NRXN1: variants seen among roughly 807,000 people sequenced by gnomAD.
NRXN1 encodes neurexin-1.
A neutral mutation model predicts 150.9 loss-of-function variants in NRXN1; 39 were observed. The observed-to-expected ratio is 0.26, with a 90% confidence interval of 0.20 to 0.34. NRXN1 has a LOEUF of 0.34. NRXN1 is among the 10% of genes least tolerant of loss of function. The pLI is 1.00. For missense variants in NRXN1, 1,815 were observed against 1,949.9 expected (o/e 0.93, Z 1.30); for synonymous variants, 924 against 757.0 (o/e 1.22, Z -3.62).
intron 19 of NRXN1, among the ~76,000 whole-genome samples, chr2:50,073,148 C>T (rs1249198390): frequency 1.3e-5 from 2 of 152,144 alleles, no homozygotes; most frequent in South Asian, 2.1e-4. Context: ...GTAAGCAATG[C>T]CTGGACTGTC....
At chr2:50,083,384 GCT>G (rs967025831) in intron 19 of NRXN1, among the ~76,000 whole-genome samples, 4 of 152,134 alleles carry the variant, frequency 2.6e-5, no homozygotes, top group Admixed American at 2.6e-4. Flanking sequence ...AGAGAATCTT[GCT>G]CTCTCTTTTA....
At chr2:50,435,523 T>C (rs1398946898) in intron 17 of NRXN1, among the ~76,000 whole-genome samples, 1 of 152,198 alleles carries the variant, frequency 6.6e-6, no homozygotes, top group African/African-American at 2.4e-5. Context: ...ATGTACCACA[T>C]TTTCTTTATC....
intron 8 of NRXN1, among the ~76,000 whole-genome samples, chr2:50,553,741 C>T (rs1490613580): frequency 6.6e-6 from 1 of 152,204 alleles, no homozygotes; most frequent in Non-Finnish European, 1.5e-5. Flanking sequence ...TTTTAATTTA[C>T]ACAAATGCTG....
intron 5 of NRXN1, chr2:50,696,387 GAAGT>G (rs1483735141): frequency 6.6e-6 from 1 of 152,594 alleles, no homozygotes; most frequent in Non-Finnish European, 1.5e-5. Context: ...AACAGTCTCA[GAAGT>G]AAGTAATATT....
At chr2:50,223,376 T>C (rs941849248) in intron 18 of NRXN1, among the ~76,000 whole-genome samples, 1 of 151,972 alleles carries the variant, frequency 6.6e-6, no homozygotes, top group African/African-American at 2.4e-5. Context: ...CCCTTCTCAA[T>C]AACCAGTTAC....
At chr2:50,433,446 T>C (rs1169276702) in intron 17 of NRXN1, among the ~76,000 whole-genome samples, 1 of 152,208 alleles carries the variant, frequency 6.6e-6, no homozygotes, top group Non-Finnish European at 1.5e-5. Context: ...CATAAAATAC[T>C]ATTTGGTACT....
Position 50,771,666 on chromosome 2 carries a change from G to A in NRXN1, c.833-148051C>T, listed in dbSNP as rs1277734533. 2.0e-5 allele frequency among the ~76,000 whole-genome samples: 3 copies of A among 152,196 alleles called. No individual in the cohort carries two copies. In the East Asian group the frequency reaches 5.8e-4, roughly 30 times the overall value. ...GCGGGTAAGAATACCAGTTTTGGCT[G>A]GAATCTTGGAAGTCTGAGGCATTTT... On this transcript the variant is annotated intron_variant, in intron 5 of 22. Transcript: ENST00000401669.
chr2:50,316,418 A>T (rs1427023652), intron 17 of NRXN1, among the ~76,000 whole-genome samples: 4 of 152,112 alleles, frequency 2.6e-5, no homozygotes, highest in African/African-American at 9.7e-5. Context: ...ACATCAAACA[A>T]CAATGAAAAT....
chr2:50,369,142 A>G (rs559942891), intron 17 of NRXN1, among the ~76,000 whole-genome samples: 1 of 152,106 alleles, frequency 6.6e-6, no homozygotes, highest in Non-Finnish European at 1.5e-5. Context: ...ACTTATGGCT[A>G]TAATCCTATA....
At chr2:50,518,768 T>C (rs1268998243) in intron 12 of NRXN1, among the ~76,000 whole-genome samples, 2 of 151,866 alleles carry the variant, frequency 1.3e-5, no homozygotes, top group Non-Finnish European at 2.9e-5. Context: ...TCAATGAATT[T>C]ACCTTTTACT....
chr2:50,188,369 A>C (rs1398344076), intron 18 of NRXN1, among the ~76,000 whole-genome samples: 1 of 152,200 alleles, frequency 6.6e-6, no homozygotes, highest in Non-Finnish European at 1.5e-5. Context: ...TACAAAAATT[A>C]ACTCAAGATG....
chr2:50,187,177 G>A (rs757759282), intron 18 of NRXN1, among the ~76,000 whole-genome samples: 1 of 152,024 alleles, frequency 6.6e-6, no homozygotes, highest in Non-Finnish European at 1.5e-5. Flanking sequence ...AGTTCAGAAT[G>A]AGACTCAACC....
intron 11 of NRXN1, 65 bp downstream of exon 11, chr2:50,531,162 G>C (rs964033379): frequency 5.0e-6 from 6 of 1,202,206 alleles, no homozygotes; most frequent in Non-Finnish European, 6.8e-6. Context: ...CTTGATCAAT[G>C]TTTGCAGGCA....
chr2:50,719,005 T>A (rs1167295900), intron 5 of NRXN1, among the ~76,000 whole-genome samples: 1 of 150,150 alleles, frequency 6.7e-6, no homozygotes, highest in African/African-American at 2.4e-5. Flanking sequence ...AATATATTTA[T>A]AAATATATTC....
intron 5 of NRXN1, among the ~76,000 whole-genome samples, chr2:50,633,682 C>A (rs17539192): frequency 6.6e-6 from 1 of 151,930 alleles, no homozygotes; most frequent in Non-Finnish European, 1.5e-5. Context: ...TATGGCATAT[C>A]TTTGATTTCA....
Position 50,347,724 on chromosome 2 carries a change from G to C in NRXN1, c.3365-110754C>G. On this transcript the variant is annotated intron_variant, in intron 17 of 22. Coordinates refer to ENST00000401669, the MANE Select transcript of NRXN1 (RefSeq NM_001330078.2). This position sits in a 1 kb window ranked among gnomAD's most constrained non-coding sequence, Gnocchi z 4.9. ...GATGCAGACGAAGGAGTAAGGGAGAGAAACAGAAAAAGAAAAAGAAAAAGA... is the reference window on the plus strand; with the variant it reads ...GATGCAGACGAAGGAGTAAGGGAGACAAACAGAAAAAGAAAAAGAAAAAGA... 1.0e-6 allele frequency: 1 copy of C among 986,494 alleles called. No homozygotes were observed. The highest frequency in any genetic ancestry group is 1.2e-6 in the Non-Finnish European group (1 of 830,772). 61.1% of individuals were successfully genotyped at this position (986,494 alleles called of 1,614,324 possible).
chr2:50,563,680 C>T (rs1050230758), intron 8 of NRXN1, among the ~76,000 whole-genome samples: 1 of 152,158 alleles, frequency 6.6e-6, no homozygotes, highest in Non-Finnish European at 1.5e-5. Context: ...GAATGTTTGC[C>T]TCCAGAGCCT....
intron 17 of NRXN1, among the ~76,000 whole-genome samples, chr2:50,427,855 T>C (rs1350037172): frequency 6.6e-6 from 1 of 152,222 alleles, no homozygotes; most frequent in Non-Finnish European, 1.5e-5. Context: ...TCTTCTGCCA[T>C]GTCCTGAGAA....
At chr2:50,730,754 G>A (rs1698000859) in intron 5 of NRXN1, among the ~76,000 whole-genome samples, 1 of 141,128 alleles carries the variant, frequency 7.1e-6, no homozygotes, top group Non-Finnish European at 1.5e-5. Context: ...CTAACTGCAA[G>A]CTCCGCCTCC....
Sources: allele counts gnomAD v4.1 joint callset (sites outside exome capture counted in the v4.1 genomes callset), GRCh38; gene constraint gnomAD v4.1.1; non-coding constraint Gnocchi (gnomAD v3.1); transcripts MANE v1.5; gene names NCBI Gene and HGNC (gene_info 2026-07-23, HGNC 2026-07-21).